CASK: variants seen among roughly 807,000 people sequenced by gnomAD.
CASK encodes peripheral plasma membrane protein CASK.
In CASK, 4 loss-of-function variants were observed where a neutral mutation model predicts 82.9. That is an observed-to-expected ratio of 0.05 (90% CI 0.02 to 0.11). The LOEUF (loss-of-function observed/expected upper bound fraction) is 0.11. CASK is among the 10% of genes least tolerant of loss of function. CASK has a pLI of 1.00. For missense variants in CASK, 358 were observed against 720.9 expected (o/e 0.50, Z 5.76); for synonymous variants, 259 against 253.5 (o/e 1.02, Z -0.20).
At chrX:41,737,203 A>T (rs191188444) in intron 5 of CASK, among the ~76,000 whole-genome samples, 5 of 111,773 alleles carry the variant, frequency 4.5e-5, no homozygotes, top group African/African-American at 1.6e-4. Context: ...TTTGAATGAG[A>T]GACCGCAAAG....
chrX:41,869,416 C>T (rs1173385209), intron 1 of CASK, among the ~76,000 whole-genome samples: 1 of 111,708 alleles, frequency 9.0e-6, no homozygotes, highest in Non-Finnish European at 1.9e-5. Flanking sequence ...TGGCCATGAG[C>T]TGTCCTATCC....
chrX:41,851,110 C>G (rs1231755587), intron 2 of CASK, among the ~76,000 whole-genome samples: 2 of 111,788 alleles, frequency 1.8e-5, no homozygotes, highest in Middle Eastern at 4.2e-3. Flanking sequence ...AAACTCCGAC[C>G]AAAATCAGAT....
intron 21 of CASK, among the ~76,000 whole-genome samples, chrX:41,547,136 G>A (rs1426413637): frequency 2.7e-5 from 3 of 110,325 alleles, no homozygotes; most frequent in South Asian, 3.8e-4. Context: ...GTTTTGCCAC[G>A]TTGGCCAGGC....
chrX:41,702,444 T>C lies in CASK; in HGVS notation c.430-30914A>G, dbSNP rs201144701. ...ATAAAAAAACATAAATTGCCATTAA[T>C]ATGTATTGGGGGCAAAAATTTCTGC... On this transcript the variant is annotated intron_variant, in intron 5 of 26. Coordinates refer to ENST00000378163, the MANE Select transcript of CASK (RefSeq NM_001367721.1). 1.9e-4 allele frequency among the ~76,000 whole-genome samples: 21 copies of C among 110,235 alleles called. No individual in the cohort carries two copies. The East Asian group carries it at 6.0e-3, about 31-fold the overall frequency.
At chrX:41,695,704 G>A (rs142652017) in intron 5 of CASK, 63 of 1,202,694 alleles carry the variant, frequency 5.2e-5, no homozygotes, top group African/African-American at 3.7e-4. Flanking sequence ...CACAGAATGC[G>A]CTTTATAACC....
intron 1 of CASK, among the ~76,000 whole-genome samples, chrX:41,858,333 T>A (rs2071411136): frequency 8.9e-6 from 1 of 112,217 alleles, no homozygotes; most frequent in South Asian, 3.7e-4. Context: ...GATTCTTCTG[T>A]TTTTCTTTTC....
chrX:41,695,968 T>G, intron 5 of CASK: 1 of 1,206,391 alleles, frequency 8.3e-7, no homozygotes. Context: ...TTCCGAATAA[T>G]GTATCATATT....
At chrX:41,541,396 T>C (rs2064944087) in intron 22 of CASK, among the ~76,000 whole-genome samples, 1 of 112,028 alleles carries the variant, frequency 8.9e-6, no homozygotes. Flanking sequence ...ACTTGAGCAT[T>C]TGCTTAACAG....
intron 1 of CASK, among the ~76,000 whole-genome samples, chrX:41,867,540 A>C (rs1331188164): frequency 3.6e-5 from 4 of 112,467 alleles, no homozygotes; most frequent in Non-Finnish European, 7.5e-5. Context: ...TTTTTTAAAC[A>C]CATCTTCAAA....
At chrX:41,615,656 A>G (rs1393419186) in intron 11 of CASK, among the ~76,000 whole-genome samples, 1 of 109,144 alleles carries the variant, frequency 9.2e-6, no homozygotes, top group Non-Finnish European at 1.9e-5. Flanking sequence ...TTTTTGAGAC[A>G]GAGTCTCACT....
intron 3 of CASK, among the ~76,000 whole-genome samples, chrX:41,759,482 G>A (rs1021110955): frequency 5.4e-5 from 6 of 111,606 alleles, no homozygotes; most frequent in Non-Finnish European, 1.1e-4. Context: ...TAAATGTTTA[G>A]TAGTGCAAAT....
intron 1 of CASK, among the ~76,000 whole-genome samples, chrX:41,858,394 A>C (rs1319994851): frequency 8.9e-6 from 1 of 112,395 alleles, no homozygotes; most frequent in African/African-American, 3.2e-5. Context: ...CTAGACTAGC[A>C]GAGGACTCTT....
intron 21 of CASK, among the ~76,000 whole-genome samples, chrX:41,543,549 G>A: frequency 8.9e-6 from 1 of 111,980 alleles, no homozygotes; most frequent in Non-Finnish European, 1.9e-5. Flanking sequence ...ACCACAATCA[G>A]GAAATTATAA....
chrX:41,824,107 T>C (rs2070607270), intron 2 of CASK, among the ~76,000 whole-genome samples: 1 of 112,003 alleles, frequency 8.9e-6, no homozygotes, highest in Admixed American at 9.5e-5. Flanking sequence ...ACTATCCAAC[T>C]AGTCATATGA....
At chrX:41,747,688 G>A (rs1285867237) in intron 3 of CASK, among the ~76,000 whole-genome samples, 7 of 111,993 alleles carry the variant, frequency 6.3e-5, no homozygotes, top group East Asian at 5.6e-4. Context: ...TGATCCGCCC[G>A]CCTTGGCCTC....
At chrX:41,830,508 T>C (rs1037777940) in intron 2 of CASK, among the ~76,000 whole-genome samples, 2 of 111,427 alleles carry the variant, frequency 1.8e-5, no homozygotes, top group Non-Finnish European at 3.8e-5. Context: ...TTGGATAAAC[T>C]AGCGTGCCAG....
intron 12 of CASK, among the ~76,000 whole-genome samples, chrX:41,608,126 C>T (rs992360332): frequency 4.5e-5 from 5 of 112,174 alleles, no homozygotes; most frequent in Non-Finnish European, 9.4e-5. Context: ...AACAAACACT[C>T]TTAGCTGAGC....
chrX:41,846,824 C>G (rs1245166639), intron 2 of CASK, among the ~76,000 whole-genome samples: 4 of 112,078 alleles, frequency 3.6e-5, no homozygotes, highest in Admixed American at 1.9e-4. Context: ...GTGACAAATT[C>G]TATCCGTTTT....
At chrX:41,641,245 T>C (rs1225177062) in intron 8 of CASK, among the ~76,000 whole-genome samples, 1 of 111,408 alleles carries the variant, frequency 9.0e-6, no homozygotes, top group African/African-American at 3.3e-5. Flanking sequence ...ATAATAATAA[T>C]GTAATATGAA....
Sources: allele counts gnomAD v4.1 joint callset (sites outside exome capture counted in the v4.1 genomes callset), GRCh38; gene constraint gnomAD v4.1.1; transcripts MANE v1.5; gene names NCBI Gene and HGNC (gene_info 2026-07-23, HGNC 2026-07-21).